ITGA11: variants seen among roughly 807,000 people sequenced by gnomAD.
ITGA11 encodes the protein integrin subunit alpha 11, also known as integrin alpha-11.
ITGA11 carries 97 observed loss-of-function variants against 141.9 expected under a neutral mutation model. The observed-to-expected ratio is 0.68, with a 90% confidence interval of 0.58 to 0.81. ITGA11 has a LOEUF of 0.81. Among genes scored for constraint, ITGA11 ranks in the 30% least tolerant of loss-of-function variants. The pLI, the probability that ITGA11 is intolerant of heterozygous loss-of-function variation, is 0.00. For missense variants in ITGA11, 1,387 were observed against 1,559.2 expected (o/e 0.89, Z 1.86); for synonymous variants, 658 against 624.6 (o/e 1.05, Z -0.80).
intron 2 of ITGA11, among the ~76,000 whole-genome samples, chr15:68,398,287 A>C (rs1311409685): frequency 6.6e-6 from 1 of 152,008 alleles, no homozygotes; most frequent in Non-Finnish European, 1.5e-5. Flanking sequence ...CATAGGCTCA[A>C]AATAAAAGGA....
In ITGA11 at chr15:68,299,811, C is replaced by T. The variant is rs562511609; in HGVS notation, c.*3248G>A. 6.6e-6 allele frequency: 1 copy of T among 152,318 alleles called. No homozygotes were observed. The highest frequency in any genetic ancestry group is 6.5e-5 in the Admixed American group (1 of 15,306). The allele number at this position is 152,318 out of a possible 1,614,324, so 9.4% of individuals were successfully genotyped here. On this transcript the variant is annotated 3_prime_UTR_variant, in exon 30 of 30. Coordinates refer to ENST00000315757, the MANE Select transcript of ITGA11 (RefSeq NM_001004439.2). Reference sequence around the variant, plus strand: ...AGACCTCTAGGGATGGAAAGGTCCACACTGTCTCCTAGAAGCTCTTCCACA... The same window carrying T: ...AGACCTCTAGGGATGGAAAGGTCCATACTGTCTCCTAGAAGCTCTTCCACA...
intron 19 of ITGA11, among the ~76,000 whole-genome samples, chr15:68,320,834 T>C (rs1893781727): frequency 6.6e-6 from 1 of 152,260 alleles, no homozygotes; most frequent in Non-Finnish European, 1.5e-5. Context: ...TGTCATGGTA[T>C]ATATGTTTTC....
intron 1 of ITGA11, among the ~76,000 whole-genome samples, chr15:68,417,858 T>C (rs1190913463): frequency 1.3e-5 from 2 of 152,246 alleles, no homozygotes; most frequent in South Asian, 2.1e-4. Context: ...TCCATTGCTA[T>C]GGAGAATCTG....
intron 21 of ITGA11, 69 bp from the exon 22 acceptor site, chr15:68,315,796 C>T: frequency 7.9e-7 from 1 of 1,262,498 alleles, no homozygotes. Flanking sequence ...CAGCCCACTC[C>T]CCACAGCCCC....
At position 68,415,801 on chromosome 15, in the gene ITGA11, C is replaced by T. The variant is rs142835592; in HGVS notation, c.53-12772G>A. On this transcript the variant is annotated intron_variant, in intron 1 of 29. Transcript: ENST00000315757. The stretch of plus-strand genomic sequence containing the variant: ...ATCACTAGGTGAGTTCCAGGGTCTG[C>T]GTCAGCTGAGAGTCTTGAAGATTCA... 9.4e-3 allele frequency among the ~76,000 whole-genome samples: 1,432 copies of T among 152,332 alleles called. 31 individuals are homozygous for T. The highest frequency in any genetic ancestry group is 0.032 in the African/African-American group (1,350 of 41,554).
intron 10 of ITGA11, among the ~76,000 whole-genome samples, chr15:68,342,997 T>TTCTC (rs6145615): frequency 0.017 from 2,489 of 143,952 alleles, 36 homozygotes; most frequent in African/African-American, 0.04. Flanking sequence ...GGGCAAGTTC[T>TTCTC]TCTCTCTCTC....
At chr15:68,314,654 A>C (rs1893508841) in intron 22 of ITGA11, among the ~76,000 whole-genome samples, 1 of 152,094 alleles carries the variant, frequency 6.6e-6, no homozygotes, top group African/African-American at 2.4e-5. Context: ...ACTGCTCTGC[A>C]AGCGCGCTCA....
Position 68,405,881 on chromosome 15 carries a change from C to T in ITGA11, c.53-2852G>A, listed in dbSNP as rs377151653. On this transcript the variant is annotated intron_variant, in intron 1 of 29. Coordinates refer to ENST00000315757, the MANE Select transcript of ITGA11 (RefSeq NM_001004439.2). ...ACACACACGTATGCACACATGCACA[C>T]GCACACAGATATACATGTATGCACG... 2.8e-4 allele frequency among the ~76,000 whole-genome samples: 43 copies of T among 152,212 alleles called. 1 individual carries two copies. In the South Asian group the frequency reaches 6.8e-3, roughly 24 times the overall value.
At position 68,385,379 on chromosome 15, in the gene ITGA11, A is replaced by C. The variant is rs149308237; in HGVS notation, c.165-16095T>G. Among the ~76,000 whole-genome samples, 440 of 152,198 alleles carry C rather than the reference A, an allele frequency of 2.9e-3. 10 individuals carry two copies. The highest frequency in any genetic ancestry group is 0.01 in the Middle Eastern group (3 of 294). ...AGCTGGGAAACCTCTGGGTTGGGAG[A>C]GGAGGAAGTGGCAGTGCCAGAGGGC... is the stretch of plus-strand genomic sequence containing the variant. On this transcript the variant is annotated intron_variant, in intron 2 of 29. Coordinates refer to ENST00000315757, the MANE Select transcript of ITGA11 (RefSeq NM_001004439.2).
intron 6 of ITGA11, 84 bp downstream of exon 6, chr15:68,358,374 A>T (rs1194808829): frequency 2.1e-6 from 3 of 1,430,396 alleles, no homozygotes; most frequent in Non-Finnish European, 9.3e-7. Flanking sequence ...GTGCATGCAA[A>T]GATCTCTCTT....
intron 10 of ITGA11, among the ~76,000 whole-genome samples, chr15:68,341,006 C>T (rs1894551233): frequency 6.6e-6 from 1 of 152,186 alleles, no homozygotes. Context: ...ACGGAGCCTT[C>T]CCTGAGCCCG....
Position 68,307,272 on chromosome 15 carries a change from C to A in ITGA11, c.3381+76G>T. On this transcript the variant is annotated intron_variant, in intron 28 of 29. Coordinates refer to ENST00000315757, the MANE Select transcript of ITGA11 (RefSeq NM_001004439.2). This position sits in a 1 kb window ranked among gnomAD's most constrained non-coding sequence, Gnocchi z 6.1. ...TGCAGCCAGGGGTTGTAGGAAAACT[C>A]TATAGAGGAGCACGGCCAACCCTTT... The A allele has an allele frequency of 9.4e-7, 1 of 1,068,100 alleles. No individual in the cohort carries two copies. 66.2% of individuals were successfully genotyped at this position (1,068,100 alleles called of 1,614,324 possible).
chr15:68,338,578 T>A (rs1894449375), intron 11 of ITGA11, among the ~76,000 whole-genome samples: 1 of 152,238 alleles, frequency 6.6e-6, no homozygotes, highest in South Asian at 2.1e-4. Context: ...TTTGCCCTTT[T>A]GTCAGCTGAG....
intron 1 of ITGA11, among the ~76,000 whole-genome samples, chr15:68,421,390 G>C (rs1292532508): frequency 6.6e-6 from 1 of 152,208 alleles, no homozygotes; most frequent in African/African-American, 2.4e-5. Context: ...ATGCAGGAGA[G>C]CCAGATCACA....
chr15:68,358,615 C>T (rs1245482140), intron 5 of ITGA11, 30 bp from the exon 6 acceptor site: 2 of 1,595,256 alleles, frequency 1.3e-6, no homozygotes, highest in Admixed American at 3.5e-5. Flanking sequence ...TTATGGCTAC[C>T]CAAGGAGCAG....
At chr15:68,358,838 T>C (rs1895153550) in intron 5 of ITGA11, among the ~76,000 whole-genome samples, 1 of 152,238 alleles carries the variant, frequency 6.6e-6, no homozygotes, top group Non-Finnish European at 1.5e-5. Flanking sequence ...CTATTCCTAA[T>C]CAGAGACTGA....
At chr15:68,413,946 A>G (rs1338206578) in intron 1 of ITGA11, among the ~76,000 whole-genome samples, 1 of 152,232 alleles carries the variant, frequency 6.6e-6, no homozygotes, top group Non-Finnish European at 1.5e-5. Context: ...GGCATTGTCC[A>G]GGGCCCAGCT....
chr15:68,314,431 T>C (rs1595853401), intron 22 of ITGA11, among the ~76,000 whole-genome samples: 2 of 152,280 alleles, frequency 1.3e-5, no homozygotes, highest in Middle Eastern at 3.4e-3. Context: ...CCTTTATATC[T>C]GAGCACCATG....
intron 10 of ITGA11, among the ~76,000 whole-genome samples, chr15:68,343,452 CT>C (rs1894636103): frequency 6.6e-6 from 1 of 152,200 alleles, no homozygotes; most frequent in South Asian, 2.1e-4. Flanking sequence ...CTAAGACAAG[CT>C]CAGACAGGTC....
Sources: allele counts gnomAD v4.1 joint callset (sites outside exome capture counted in the v4.1 genomes callset), GRCh38; gene constraint gnomAD v4.1.1; non-coding constraint Gnocchi (gnomAD v3.1); transcripts MANE v1.5; gene names NCBI Gene and HGNC (gene_info 2026-07-23, HGNC 2026-07-21).